MPP7: variants seen among roughly 807,000 people sequenced by gnomAD.
MPP7 encodes the protein MAGUK p55 scaffold protein 7.
MPP7 carries 60 observed loss-of-function variants against 76.5 expected under a neutral mutation model. That is an observed-to-expected ratio of 0.78 (90% CI 0.64 to 0.97). The LOEUF is 0.97. MPP7 is among the 50% of genes least tolerant of loss of function. The pLI, the probability that MPP7 is intolerant of heterozygous loss-of-function variation, is 0.00. For synonymous variants in MPP7, 237 were observed against 244.5 expected (o/e 0.97, Z 0.29); for missense variants, 641 against 694.0 (o/e 0.92, Z 0.86).
intron 3 of MPP7, among the ~76,000 whole-genome samples, chr10:28,156,939 GTGGCTCACACC>G (rs1447822180): frequency 6.6e-6 from 1 of 152,154 alleles, no homozygotes; most frequent in Non-Finnish European, 1.5e-5. Context: ...GCCAGGTGTG[GTGGCTCACACC>G]TGTAATCCCA....
chr10:28,333,576 C>T (rs941763462), intron 1 of MPP7, among the ~76,000 whole-genome samples: 2 of 152,136 alleles, frequency 1.3e-5, no homozygotes, highest in South Asian at 2.1e-4. Context: ...CGTTATGCAA[C>T]GTTGTACATT....
intron 13 of MPP7, among the ~76,000 whole-genome samples, chr10:28,066,266 C>G (rs1217922678): frequency 6.6e-6 from 1 of 152,130 alleles, no homozygotes; most frequent in Non-Finnish European, 1.5e-5. Flanking sequence ...AGGGTTTCAG[C>G]CACCACTTTC....
chr10:28,188,449 T>C (rs1468095833), intron 3 of MPP7, among the ~76,000 whole-genome samples: 10 of 152,160 alleles, frequency 6.6e-5, no homozygotes, highest in Non-Finnish European at 1.5e-4. Flanking sequence ...CCAAGTCGCA[T>C]GATATGTACT....
chr10:28,182,934 C>T (rs753570289), intron 3 of MPP7, among the ~76,000 whole-genome samples: 3 of 152,054 alleles, frequency 2.0e-5, no homozygotes, highest in Non-Finnish European at 2.9e-5. Flanking sequence ...AAAAATCAGC[C>T]GGGCGTGATG....
chr10:28,078,039 C>T (rs1219299875), intron 12 of MPP7, among the ~76,000 whole-genome samples: 2 of 152,194 alleles, frequency 1.3e-5, no homozygotes, highest in Non-Finnish European at 2.9e-5. Context: ...AAAGGTCACA[C>T]ATCTGGCATG....
chr10:28,317,207 A>C (rs567039900), intron 2 of MPP7, among the ~76,000 whole-genome samples: 1 of 152,300 alleles, frequency 6.6e-6, no homozygotes, highest in East Asian at 1.9e-4. Context: ...AGAATTTACA[A>C]AATTTTAAGA....
intron 5 of MPP7, among the ~76,000 whole-genome samples, chr10:28,146,806 T>C (rs1013060066): frequency 2.0e-5 from 3 of 152,154 alleles, no homozygotes; most frequent in Admixed American, 6.5e-5. Context: ...TGACACATAA[T>C]TGCCCCAGCG....
chr10:28,266,062 C>T (rs186025957), intron 1 of MPP7, among the ~76,000 whole-genome samples: 2 of 152,204 alleles, frequency 1.3e-5, no homozygotes, highest in South Asian at 2.1e-4. Context: ...CGAGTTCAAG[C>T]GATTCTCCTG....
chr10:28,220,495 T>G (rs1838465427), intron 2 of MPP7, among the ~76,000 whole-genome samples: 1 of 152,204 alleles, frequency 6.6e-6, no homozygotes, highest in Admixed American at 6.5e-5. Context: ...AAGATAGGAC[T>G]TATCTCAAGC....
intron 2 of MPP7, among the ~76,000 whole-genome samples, chr10:28,237,840 G>A (rs1294577695): frequency 2.0e-5 from 3 of 152,148 alleles, no homozygotes; most frequent in Admixed American, 6.6e-5. Flanking sequence ...GTTCTTAGAG[G>A]CATCCAGGAT....
Position 28,052,755 on chromosome 10 carries a change from T to G in MPP7, c.*1310A>C, listed in dbSNP as rs1851406116. 1 of 152,172 alleles carries G rather than the reference T, an allele frequency of 6.6e-6. No individual in the cohort carries two copies. The allele number at this position is 152,172 out of a possible 1,614,324, so 9.4% of individuals were successfully genotyped here. A position where few individuals can be genotyped will look rare whatever the true frequency, so the allele number is the denominator to read the frequency against. ...ATTTTTTTTCACATGACATTTAAAC[T>G]CTCTTTACAAATCAACAAAAAAATA... On this transcript the variant is annotated 3_prime_UTR_variant, in exon 17 of 17. Coordinates refer to ENST00000683449, the MANE Select transcript of MPP7 (RefSeq NM_001318170.2).
At chr10:28,285,972 T>A (rs1409158150) in intron 1 of MPP7, among the ~76,000 whole-genome samples, 2 of 152,174 alleles carry the variant, frequency 1.3e-5, no homozygotes, top group East Asian at 3.8e-4. Flanking sequence ...AGTACAAGCA[T>A]GTTTATGGAT....
chr10:28,214,770 A>G (rs924222122), intron 2 of MPP7, among the ~76,000 whole-genome samples: 2 of 152,294 alleles, frequency 1.3e-5, no homozygotes, highest in South Asian at 4.1e-4. Context: ...CAAAACTGAT[A>G]ATAGCCCTTT....
At chr10:28,326,929 C>A (rs547613230) in intron 2 of MPP7, among the ~76,000 whole-genome samples, 9 of 152,222 alleles carry the variant, frequency 5.9e-5, no homozygotes, top group African/African-American at 2.2e-4. Flanking sequence ...TTGAAGTGTT[C>A]GTGGCCACTA....
chr10:28,213,749 G>T (rs1181576626), intron 2 of MPP7, among the ~76,000 whole-genome samples: 2 of 146,368 alleles, frequency 1.4e-5, no homozygotes, highest in African/African-American at 5.1e-5. Context: ...CCCAGATCAT[G>T]CCATTGCACT....
intron 1 of MPP7, among the ~76,000 whole-genome samples, chr10:28,292,933 T>A (rs1442428624): frequency 3.9e-5 from 6 of 151,996 alleles, no homozygotes; most frequent in Admixed American, 3.3e-4. Flanking sequence ...ACCACTAGGT[T>A]ATTTAGTAAA....
chr10:28,206,977 T>C (rs563267676), intron 2 of MPP7, among the ~76,000 whole-genome samples: 16 of 152,250 alleles, frequency 1.1e-4, no homozygotes, highest in South Asian at 4.1e-4. Flanking sequence ...TTCTGTCAGG[T>C]GGCCTCTAAA....
chr10:28,122,514 C>T (rs1834874468), intron 8 of MPP7, among the ~76,000 whole-genome samples: 1 of 152,032 alleles, frequency 6.6e-6, no homozygotes, highest in Non-Finnish European at 1.5e-5. Flanking sequence ...TTATCCCATC[C>T]CCAAATCATA....
At chr10:28,330,513 A>T in intron 1 of MPP7, among the ~76,000 whole-genome samples, 1 of 152,176 alleles carries the variant, frequency 6.6e-6, no homozygotes, top group East Asian at 1.9e-4. Context: ...AGACTGGGTA[A>T]AAGCTTCACT....
Sources: allele counts gnomAD v4.1 joint callset (sites outside exome capture counted in the v4.1 genomes callset), GRCh38; gene constraint gnomAD v4.1.1; transcripts MANE v1.5; gene names NCBI Gene and HGNC (gene_info 2026-07-23, HGNC 2026-07-21).